The following PDE4D variants were observed in gnomAD, a reference collection of about 807,000 sequenced individuals.
PDE4D encodes the protein phosphodiesterase 4D, also known as 3',5'-cyclic-AMP phosphodiesterase 4D.
PDE4D carries 24 observed loss-of-function variants against 87.4 expected under a neutral mutation model. That is an observed-to-expected ratio of 0.27 (90% CI 0.20 to 0.39). The LOEUF (loss-of-function observed/expected upper bound fraction) is 0.39. Ranked by LOEUF, PDE4D falls within the 10% of genes least tolerant of loss-of-function variation. The pLI, the probability that PDE4D is intolerant of heterozygous loss-of-function variation, is 1.00. For synonymous variants in PDE4D, 384 were observed against 383.2 expected (o/e 1.00, Z -0.02); for missense variants, 714 against 1,041.0 (o/e 0.69, Z 4.32).
At chr5:60,318,161 G>A (rs1240641884) in intron 1 of PDE4D, among the ~76,000 whole-genome samples, 1 of 152,040 alleles carries the variant, frequency 6.6e-6, no homozygotes, top group Non-Finnish European at 1.5e-5. Context: ...TATGAATCTG[G>A]GTACTCCTGT....
intron 2 of PDE4D, among the ~76,000 whole-genome samples, chr5:60,076,956 A>G (rs931962088): frequency 1.2e-4 from 18 of 152,306 alleles, no homozygotes; most frequent in Admixed American, 3.9e-4. Flanking sequence ...GACCCCCACC[A>G]GTGACTGTGT....
rs867036358 is a variant in PDE4D at position 60,400,561 on chromosome 5, T to C, written c.-90+87381A>G. 1.6e-4 allele frequency among the ~76,000 whole-genome samples: 24 copies of C among 149,184 alleles called. No homozygotes were observed. The South Asian group carries it at 3.9e-3, about 24-fold the overall frequency. ...AAAAAAAAAGAAATATAAATTCTTA[T>C]CAATCCCCAAGTATATGTAATGACA... is the stretch of plus-strand genomic sequence containing the variant. On this transcript the variant is annotated intron_variant, in intron 1 of 16. Coordinates refer to the PDE4D transcript ENST00000502484.
intron 2 of PDE4D, among the ~76,000 whole-genome samples, chr5:60,063,164 A>G (rs5014452): frequency 0.03 from 3,885 of 127,620 alleles, 87 homozygotes; most frequent in East Asian, 0.092. Context: ...GAAGGAAAGA[A>G]AGAAAGAAAA....
chr5:60,439,058 C>A (rs528595034), intron 1 of PDE4D, among the ~76,000 whole-genome samples: 2 of 152,218 alleles, frequency 1.3e-5, no homozygotes, highest in South Asian at 4.1e-4. Context: ...CATGATATGA[C>A]ATATAAGTAG....
chr5:59,680,144 C>G lies in PDE4D; in HGVS notation c.455+213024G>C, dbSNP rs527756517. ...CATAATTAATGGCATTGCTTTTATA[C>G]CCAACTTTTATTATCTACAATAAAG... On this transcript the variant is annotated intron_variant, in intron 1 of 14. Coordinates refer to ENST00000340635, the MANE Select transcript of PDE4D (RefSeq NM_001104631.2). Among the ~76,000 whole-genome samples the G allele has an allele frequency of 2.1e-3, 313 of 152,160 alleles. 1 individual carries two copies. The highest frequency in any genetic ancestry group is 7.1e-3 in the African/African-American group (295 of 41,536).
intron 1 of PDE4D, among the ~76,000 whole-genome samples, chr5:60,443,671 GTAA>G (rs1192012022): frequency 6.6e-6 from 1 of 152,122 alleles, no homozygotes; most frequent in African/African-American, 2.4e-5. Context: ...AACAAAGCAA[GTAA>G]TAATAAGAAC....
chr5:60,015,473 C>G (rs2152847984), intron 2 of PDE4D, among the ~76,000 whole-genome samples: 1 of 152,310 alleles, frequency 6.6e-6, no homozygotes, highest in African/African-American at 2.4e-5. Context: ...CCCACTTGCT[C>G]TCCCTGGGAA....
intron 1 of PDE4D, among the ~76,000 whole-genome samples, chr5:59,595,479 T>G (rs1826539758): frequency 6.6e-6 from 1 of 152,152 alleles, no homozygotes; most frequent in South Asian, 2.1e-4. Context: ...GAATAGTGGG[T>G]TTACCACCGA....
At chr5:59,147,178 G>A (rs1337477163) in intron 5 of PDE4D, among the ~76,000 whole-genome samples, 1 of 152,172 alleles carries the variant, frequency 6.6e-6, no homozygotes, top group Admixed American at 6.5e-5. Flanking sequence ...TGCCAAAAAG[G>A]TTGGGGACCA....
At chr5:59,905,255 A>G (rs1752690881) in intron 3 of PDE4D, among the ~76,000 whole-genome samples, 1 of 152,156 alleles carries the variant, frequency 6.6e-6, no homozygotes, top group Admixed American at 6.6e-5. Context: ...TTTTGAACAC[A>G]GTGAATTGTT....
intron 2 of PDE4D, among the ~76,000 whole-genome samples, chr5:60,064,078 G>A (rs1034016009): frequency 3.3e-5 from 5 of 152,004 alleles, no homozygotes; most frequent in African/African-American, 1.2e-4. Context: ...TTGATTTTAA[G>A]TAATTTTTTC....
chr5:59,790,242 G>A (rs1765636469), intron 1 of PDE4D, among the ~76,000 whole-genome samples: 1 of 152,064 alleles, frequency 6.6e-6, no homozygotes, highest in Non-Finnish European at 1.5e-5. Context: ...AATTACATGA[G>A]TGTTTTTAAA....
Position 59,771,433 on chromosome 5 carries a change from AAAAG to A in PDE4D, c.455+121731_455+121734del, listed in dbSNP as rs745783951. On this transcript the variant is annotated intron_variant, in intron 1 of 14. Coordinates refer to ENST00000340635, the MANE Select transcript of PDE4D (RefSeq NM_001104631.2). ...AAAAAGAAGGAAAGAAAGAAAAAGA[AAAAG>A]AAAGAAAGAAAGAAAGAAAGAAAGA... is the stretch of plus-strand genomic sequence containing the variant. Among the ~76,000 whole-genome samples the A allele has an allele frequency of 9.1e-4, 85 of 93,882 alleles. 2 individuals carry two copies. The highest frequency in any genetic ancestry group is 3.4e-3 in the South Asian group (9 of 2,662). 61.6% of individuals were successfully genotyped at this position (93,882 alleles called of 152,430 possible). A position where few individuals can be genotyped will look rare whatever the true frequency, so the allele number is the denominator to read the frequency against.
intron 1 of PDE4D, among the ~76,000 whole-genome samples, chr5:60,200,055 A>G (rs1374657126): frequency 2.0e-5 from 3 of 151,702 alleles, no homozygotes; most frequent in Non-Finnish European, 4.4e-5. Flanking sequence ...ACATGAACCA[A>G]AGTCCACTTC....
intron 2 of PDE4D, among the ~76,000 whole-genome samples, chr5:60,161,113 A>C (rs1782440789): frequency 6.6e-6 from 1 of 152,158 alleles, no homozygotes; most frequent in Non-Finnish European, 1.5e-5. Context: ...CCAGATGCTA[A>C]AGGAAATCAA....
intron 1 of PDE4D, among the ~76,000 whole-genome samples, chr5:59,235,728 G>C (rs1756268932): frequency 6.6e-6 from 1 of 152,296 alleles, no homozygotes; most frequent in Non-Finnish European, 1.5e-5. Flanking sequence ...TTGCTGAAAT[G>C]AATGGATGTG....
rs141123197 is a variant in PDE4D, at chr5:59,069,253, T to C, written c.809-30282A>G. The stretch of plus-strand genomic sequence containing the variant: ...ACAGTTTTACCTCTTTTACAATGAG[T>C]TGTCAGCATGAAGAGACTTGGTTCA... On this transcript the variant is annotated intron_variant, in intron 5 of 14. Transcript: ENST00000340635. Among the ~76,000 whole-genome samples, 434 of 152,228 alleles carry C rather than the reference T, an allele frequency of 2.9e-3. 6 individuals are homozygous for C. The highest frequency in any genetic ancestry group is 0.01 in the African/African-American group (428 of 41,536).
intron 1 of PDE4D, among the ~76,000 whole-genome samples, chr5:60,360,224 T>C (rs552482700): frequency 7.1e-4 from 108 of 152,338 alleles, no homozygotes; most frequent in African/African-American, 2.5e-3. Flanking sequence ...TGAAGTCATG[T>C]ACCAAAAACA....
intron 1 of PDE4D, among the ~76,000 whole-genome samples, chr5:59,272,073 T>A (rs1412347555): frequency 6.6e-6 from 1 of 152,000 alleles, no homozygotes; most frequent in Non-Finnish European, 1.5e-5. Context: ...CAATAACCAA[T>A]TTTAAAATTT....
Sources: allele counts gnomAD v4.1 joint callset (sites outside exome capture counted in the v4.1 genomes callset), GRCh38; gene constraint gnomAD v4.1.1; transcripts MANE v1.5; gene names NCBI Gene and HGNC (gene_info 2026-07-23, HGNC 2026-07-21).